Variants in DYNC1I1 observed in about 807,000 individuals in gnomAD.
DYNC1I1 encodes dynein cytoplasmic 1 intermediate chain 1.
A neutral mutation model predicts 86.6 loss-of-function variants in DYNC1I1; 43 were observed. That is an observed-to-expected ratio of 0.50 (90% CI 0.39 to 0.64). The LOEUF is 0.64. DYNC1I1 is among the 30% of genes least tolerant of loss of function. The pLI is 0.00. For missense variants in DYNC1I1, 604 were observed against 788.8 expected (o/e 0.77, Z 2.81); for synonymous variants, 262 against 283.7 (o/e 0.92, Z 0.77).
At chr7:96,061,712 TCACACACA>T (rs147547424) in intron 14 of DYNC1I1, among the ~76,000 whole-genome samples, 3 of 136,920 alleles carry the variant, frequency 2.2e-5, no homozygotes, top group Non-Finnish European at 3.1e-5. Context: ...TCTCTCTCTC[TCACACACA>T]CACACACACA....
chr7:96,044,816 AGAG>A, intron 14 of DYNC1I1, among the ~76,000 whole-genome samples: 1 of 152,222 alleles, frequency 6.6e-6, no homozygotes, highest in Non-Finnish European at 1.5e-5. Context: ...AGCTGATCAC[AGAG>A]GAGAATAGGA....
chr7:96,075,971 A>G, intron 14 of DYNC1I1, 86 bp from the exon 15 acceptor site: 1 of 1,522,528 alleles, frequency 6.6e-7, no homozygotes, highest in Non-Finnish European at 8.8e-7. Context: ...ACACTTTGTG[A>G]ATGTGCAAAG....
chr7:96,109,756 T>A (rs1791281138), intron 16 of DYNC1I1, among the ~76,000 whole-genome samples: 1 of 152,188 alleles, frequency 6.6e-6, no homozygotes, highest in Non-Finnish European at 1.5e-5. Context: ...ATATAATGTA[T>A]ATAATTCCAA....
At chr7:95,827,387 G>A (rs1364391786) in intron 4 of DYNC1I1, among the ~76,000 whole-genome samples, 1 of 152,152 alleles carries the variant, frequency 6.6e-6, no homozygotes, top group Non-Finnish European at 1.5e-5. Context: ...AAATAACAAG[G>A]GAAATTGGAT....
At chr7:96,037,674 A>G (rs562357753) in intron 13 of DYNC1I1, among the ~76,000 whole-genome samples, 2 of 152,304 alleles carry the variant, frequency 1.3e-5, no homozygotes, top group South Asian at 2.1e-4. Context: ...AACATTTTAC[A>G]TGATGAACAT....
At chr7:95,881,995 G>A (rs146588442) in intron 6 of DYNC1I1, among the ~76,000 whole-genome samples, 1 of 152,254 alleles carries the variant, frequency 6.6e-6, no homozygotes, top group East Asian at 1.9e-4. Context: ...TATATGCTCT[G>A]GCTGAGGACA....
chr7:96,015,808 G>C (rs987183075), intron 10 of DYNC1I1, among the ~76,000 whole-genome samples: 1 of 151,998 alleles, frequency 6.6e-6, no homozygotes, highest in South Asian at 2.1e-4. Flanking sequence ...AGAAATTGAG[G>C]GCTCAGTGAG....
chr7:95,863,988 A>T (rs1789956442), intron 5 of DYNC1I1, among the ~76,000 whole-genome samples: 1 of 152,234 alleles, frequency 6.6e-6, no homozygotes, highest in African/African-American at 2.4e-5. Flanking sequence ...GAAGAGCCAC[A>T]TAGAATATAT....
chr7:95,972,568 A>T (rs1414684756), intron 6 of DYNC1I1, among the ~76,000 whole-genome samples: 2 of 152,026 alleles, frequency 1.3e-5, no homozygotes, highest in Non-Finnish European at 2.9e-5. Flanking sequence ...AATATGCCCC[A>T]GACAGAAAGG....
At chr7:95,852,753 G>A (rs138733984) in intron 5 of DYNC1I1, among the ~76,000 whole-genome samples, 236 of 152,204 alleles carry the variant, frequency 1.6e-3, no homozygotes, top group African/African-American at 5.3e-3. Context: ...TGATCTGCCT[G>A]CCTTGGCCTC....
intron 6 of DYNC1I1, among the ~76,000 whole-genome samples, chr7:95,975,696 T>G (rs1584217052): frequency 1.3e-5 from 2 of 152,330 alleles, no homozygotes; most frequent in East Asian, 3.9e-4. Flanking sequence ...CTTATCACCT[T>G]TGTTTTTTGT....
At chr7:95,830,864 G>A (rs1795305670) in intron 5 of DYNC1I1, among the ~76,000 whole-genome samples, 1 of 152,042 alleles carries the variant, frequency 6.6e-6, no homozygotes, top group South Asian at 2.1e-4. Flanking sequence ...TCTTGACAAC[G>A]CTTAGTTTGA....
intron 10 of DYNC1I1, among the ~76,000 whole-genome samples, chr7:96,026,885 C>T (rs1257045206): frequency 6.6e-6 from 1 of 152,140 alleles, no homozygotes; most frequent in African/African-American, 2.4e-5. Flanking sequence ...CACAGAGACA[C>T]ACCCACACAC....
rs1033198025 is a variant in DYNC1I1 at position 96,035,606 on chromosome 7, C to T, written c.1231-13C>T. The T allele has an allele frequency of 2.6e-6, 4 of 1,562,876 alleles. No individual in the cohort carries two copies. Among genetic ancestry groups the T allele is most frequent in the African/African-American group, 2.8e-5 (2 of 72,164 alleles). On this transcript the variant is annotated splice_polypyrimidine_tract_variant and intron_variant, in intron 12 of 16. Transcript: ENST00000447467. The stretch of plus-strand genomic sequence containing the variant: ...TTGACAGATGGAAATGTAACCACAC[C>T]GTGTTTTGGTAGGAGAGCATGGAGC...
intron 5 of DYNC1I1, among the ~76,000 whole-genome samples, chr7:95,846,412 A>G (rs1191462332): frequency 6.6e-6 from 1 of 152,198 alleles, no homozygotes. Flanking sequence ...CTGTTCAGGA[A>G]AAATGCTTTT....
intron 14 of DYNC1I1, among the ~76,000 whole-genome samples, chr7:96,051,889 A>G (rs1022721736): frequency 2.0e-5 from 3 of 152,226 alleles, no homozygotes; most frequent in Admixed American, 6.5e-5. Context: ...CTTTTTAAAT[A>G]TCTTCATTTA....
chr7:95,990,443 C>G (rs1055180290), intron 9 of DYNC1I1, among the ~76,000 whole-genome samples: 1 of 152,142 alleles, frequency 6.6e-6, no homozygotes, highest in African/African-American at 2.4e-5. Flanking sequence ...ACTATTGACA[C>G]CAGTGCCAAT....
At chr7:95,814,775 A>G (rs1173528459) in intron 4 of DYNC1I1, among the ~76,000 whole-genome samples, 1 of 152,014 alleles carries the variant, frequency 6.6e-6, no homozygotes, top group Non-Finnish European at 1.5e-5. Flanking sequence ...ACCAGTGGAC[A>G]CTGCTTTCAA....
intron 9 of DYNC1I1, among the ~76,000 whole-genome samples, chr7:95,993,588 C>T (rs934421764): frequency 1.3e-5 from 2 of 152,028 alleles, no homozygotes; most frequent in African/African-American, 4.8e-5. Context: ...TCTTAATAGG[C>T]CTTTGATTCA....
Sources: gnomAD v4.1 joint callset for allele counts (sites outside exome capture counted in the v4.1 genomes callset) on GRCh38, gnomAD v4.1.1 for gene constraint, MANE v1.5 for transcripts, NCBI Gene and HGNC (gene_info 2026-07-23, HGNC 2026-07-21) for gene names.